Variants in ZNF33B observed in about 807,000 individuals in gnomAD.
The protein encoded by ZNF33B is zinc finger protein 33B.
ZNF33B carries 29 observed loss-of-function variants against 45.8 expected under a neutral mutation model. The observed-to-expected ratio is 0.63, with a 90% confidence interval of 0.47 to 0.86. The LOEUF is 0.86. ZNF33B is among the 40% of genes least tolerant of loss of function. The pLI is 0.00. For missense variants in ZNF33B, 831 were observed against 909.9 expected (o/e 0.91, Z 1.12); for synonymous variants, 305 against 307.8 (o/e 0.99, Z 0.10).
intron 1 of ZNF33B, among the ~76,000 whole-genome samples, chr10:42,577,282 G>A (rs1417127711): frequency 6.6e-6 from 1 of 152,032 alleles, no homozygotes; most frequent in African/African-American, 2.4e-5. Context: ...TCTGACTCCT[G>A]TTCAATCTCC....
chr10:42,613,309 GCCGAGGTGGGTGGACTA>G (rs1266315942), intron 4 of ZNF33B, among the ~76,000 whole-genome samples: 3 of 152,278 alleles, frequency 2.0e-5, no homozygotes, highest in African/African-American at 7.2e-5. Context: ...ACTTTGGGAG[GCCGAGGTGGGTGGACTA>G]CCTAAAAGAT....
intron 4 of ZNF33B, among the ~76,000 whole-genome samples, chr10:42,622,082 T>C (rs1202178055): frequency 1.3e-5 from 2 of 152,138 alleles, no homozygotes; most frequent in African/African-American, 2.4e-5. Context: ...ATTCTACCTA[T>C]AGCACCATCT....
At position 42,591,570 on chromosome 10, in the gene ZNF33B, C is replaced by G. The variant is rs935270415; in HGVS notation, c.*1043G>C. 3.6e-5 allele frequency: 19 copies of G among 526,540 alleles called. No individual in the cohort carries two copies. The highest frequency in any genetic ancestry group is 3.5e-4 in the African/African-American group (17 of 48,612). 32.6% of individuals were successfully genotyped at this position (526,540 alleles called of 1,614,324 possible). On this transcript the variant is annotated 3_prime_UTR_variant, in exon 5 of 5. Transcript: ENST00000359467. ...AGTAACCACTACTAAATTAGGATAC[C>G]TACTTCCTATTCACAATTACGTTAA...
intron 4 of ZNF33B, among the ~76,000 whole-genome samples, chr10:42,607,151 A>G (rs1369415451): frequency 6.6e-6 from 1 of 152,146 alleles, no homozygotes; most frequent in African/African-American, 2.4e-5. Flanking sequence ...AAATAGAGCT[A>G]TATATAGGTA....
chr10:42,604,099 G>C (rs571012574), intron 4 of ZNF33B, among the ~76,000 whole-genome samples: 11 of 152,220 alleles, frequency 7.2e-5, no homozygotes, highest in Admixed American at 1.3e-4. Flanking sequence ...AACAGCAACT[G>C]CCCTTGAGAA....
chr10:42,607,074 A>G (rs1837891820), intron 4 of ZNF33B, among the ~76,000 whole-genome samples: 1 of 152,168 alleles, frequency 6.6e-6, no homozygotes, highest in Non-Finnish European at 1.5e-5. Context: ...CTCAGCCTGT[A>G]TAACAATGTA....
chr10:42,612,744 A>G (rs1838155425), intron 4 of ZNF33B, among the ~76,000 whole-genome samples: 1 of 152,348 alleles, frequency 6.6e-6, no homozygotes, highest in East Asian at 1.9e-4. Context: ...TTCCCTTTGC[A>G]TCTCTTTTCT....
Position 42,589,387 on chromosome 10 carries a change from T to G in ZNF33B, c.*3226A>C, listed in dbSNP as rs557935892. Reference sequence around the variant, plus strand: ...GTTCACTGTTTTCCATTCTCTGCATTTTGACAAATTACAGTACCCTACAGA... The same window carrying G: ...GTTCACTGTTTTCCATTCTCTGCATGTTGACAAATTACAGTACCCTACAGA... On this transcript the variant is annotated 3_prime_UTR_variant, in exon 5 of 5. Coordinates refer to ENST00000359467, the MANE Select transcript of ZNF33B (RefSeq NM_006955.3). 6.6e-5 allele frequency: 10 copies of G among 152,328 alleles called. No homozygotes were observed. The East Asian group carries it at 1.4e-3, about 21-fold the overall frequency. The allele number at this position is 152,328 out of a possible 1,614,324, so 9.4% of individuals were successfully genotyped here. A position where few individuals can be genotyped will look rare whatever the true frequency, so the allele number is the denominator to read the frequency against.
At chr10:42,611,370 C>G (rs1838090292) in intron 4 of ZNF33B, among the ~76,000 whole-genome samples, 2 of 151,928 alleles carry the variant, frequency 1.3e-5, no homozygotes, top group Admixed American at 6.6e-5. Context: ...GAAAAATCAC[C>G]TTTTCAAGAA....
chr10:42,625,751 G>T (rs1838780150), intron 4 of ZNF33B, among the ~76,000 whole-genome samples: 1 of 152,274 alleles, frequency 6.6e-6, no homozygotes, highest in African/African-American at 2.4e-5. Context: ...GGGATTATAG[G>T]CATGAGCCAC....
At chr10:42,615,642 G>A (rs780953170) in intron 4 of ZNF33B, among the ~76,000 whole-genome samples, 107 of 152,284 alleles carry the variant, frequency 7.0e-4, no homozygotes, top group African/African-American at 2.1e-3. Flanking sequence ...AAACATTGTC[G>A]GCTGGGTGCA....
At chr10:42,633,200 T>C (rs1292002445) in intron 2 of ZNF33B, among the ~76,000 whole-genome samples, 1 of 152,198 alleles carries the variant, frequency 6.6e-6, no homozygotes, top group Non-Finnish European at 1.5e-5. Flanking sequence ...ATCCTTTAAT[T>C]CAAAGACAAT....
chr10:42,601,468 GTTTTTTTTTTTTTTT>G (rs57196690), intron 4 of ZNF33B, among the ~76,000 whole-genome samples: 36 of 79,478 alleles, frequency 4.5e-4, no homozygotes, highest in African/African-American at 1.6e-3. Flanking sequence ...ACATGGGCTT[GTTTTTTTTTTTTTTT>G]TTTTTTTTTT....
chr10:42,606,210 A>G (rs144828206), intron 4 of ZNF33B, among the ~76,000 whole-genome samples: 252 of 152,300 alleles, frequency 1.7e-3, no homozygotes, highest in African/African-American at 6.0e-3. Context: ...CATGCCTGTA[A>G]TCCCAGCACT....
chr10:42,593,696 A>T lies in ZNF33B; in HGVS notation c.1254T>A (p.Cys418Ter). ...TGEKPYQCNACGKTFYQKSDL... is the reference protein window; with the variant it reads ...TGEKPYQCNA Reference sequence around the variant, plus strand: ...CAGATTTCTGGTAAAAAGTTTTCCCACATGCATTACACTGATAGGGTTTCT... The same window carrying T: ...CAGATTTCTGGTAAAAAGTTTTCCCTCATGCATTACACTGATAGGGTTTCT... Residue 418 changes from cysteine (C) to a stop codon, truncating the protein, a stop_gained, in exon 5 of 5, where the codon TGT (cysteine) becomes TGA (stop). Transcript: ENST00000359467. LOFTEE classifies it high-confidence loss of function. 6.2e-7 allele frequency: 1 copy of T among 1,613,552 alleles called. No homozygotes were observed. The highest frequency in any genetic ancestry group is 8.5e-7 in the Non-Finnish European group (1 of 1,179,626).
intron 1 of ZNF33B, among the ~76,000 whole-genome samples, chr10:42,638,238 C>A (rs969799559): frequency 1.1e-4 from 17 of 152,268 alleles, no homozygotes; most frequent in African/African-American, 4.1e-4. Context: ...CACATGCCCT[C>A]CTCCGCGGCC....
intron 1 of ZNF33B, chr10:42,583,344 C>A: frequency 2.5e-6 from 1 of 395,718 alleles, no homozygotes. Flanking sequence ...GAAGAGCTGG[C>A]AAAACAAACA....
intron 2 of ZNF33B, 77 bp downstream of exon 2, chr10:42,636,843 C>CA (rs1222422938): frequency 6.2e-7 from 1 of 1,603,458 alleles, no homozygotes; most frequent in African/African-American, 1.3e-5. Context: ...CAAAACAAAA[C>CA]AAAAAAACCA....
At chr10:42,578,359 A>C (rs1405538509) in intron 1 of ZNF33B, 1 of 152,366 alleles carries the variant, frequency 6.6e-6, no homozygotes, top group Non-Finnish European at 1.5e-5. Context: ...AGTGGCATAC[A>C]CCCTACTCCT....
Sources: allele counts gnomAD v4.1 joint callset (sites outside exome capture counted in the v4.1 genomes callset), GRCh38; gene constraint gnomAD v4.1.1; transcripts MANE v1.5; gene names NCBI Gene and HGNC (gene_info 2026-07-23, HGNC 2026-07-21).